Variants in ZC2HC1B observed in about 807,000 individuals in gnomAD.
ZC2HC1B encodes the protein zinc finger C2HC domain-containing protein 1B.
A neutral mutation model predicts 31.0 loss-of-function variants in ZC2HC1B; 36 were observed. That is an observed-to-expected ratio of 1.16 (90% confidence interval 0.89 to 1.54). The LOEUF is 1.54. Among genes scored for constraint, ZC2HC1B ranks in the 40% most tolerant of loss-of-function variants. ZC2HC1B has a pLI of 0.00. For synonymous variants in ZC2HC1B, 73 were observed against 88.0 expected, an observed-to-expected ratio of 0.83 and a Z score of 0.95; for missense variants, 260 against 268.6, an observed-to-expected ratio of 0.97 and a Z score of 0.22.
intron 6 of ZC2HC1B, among the ~76,000 whole-genome samples, chr6:143,906,216 ATCAG>A (rs1777793386): frequency 6.6e-6 from 1 of 152,126 alleles, no homozygotes; most frequent in African/African-American, 2.4e-5. Flanking sequence ...CTTACTAGTT[ATCAG>A]TCTATTCAAA....
intron 5 of ZC2HC1B, among the ~76,000 whole-genome samples, chr6:143,902,756 C>T (rs1312858657): frequency 6.6e-6 from 1 of 152,018 alleles, no homozygotes; most frequent in African/African-American, 2.4e-5. Flanking sequence ...CTTATGTCTC[C>T]ATACAACTAA....
intron 1 of ZC2HC1B, among the ~76,000 whole-genome samples, chr6:143,876,913 G>A (rs906289956): frequency 3.3e-5 from 5 of 150,316 alleles, no homozygotes; most frequent in Non-Finnish European, 5.9e-5. Flanking sequence ...GGGTGGGTCT[G>A]CCTTTCCCAG....
At position 143,884,337 on chromosome 6, in the gene ZC2HC1B, G is replaced by C; in HGVS notation, c.62G>C (p.Cys21Ser). 5.9e-6 allele frequency: 9 copies of C among 1,534,758 alleles called. No individual in the cohort carries two copies. The highest frequency in any genetic ancestry group is 7.9e-6 in the Non-Finnish European group (9 of 1,134,440). ...CAGGAATTGTTTCCCTGTGAAGTCT[G>C]TGGAAGACGTTTTGCAGCAGATGTT... Reference protein sequence around the residue: ...GNQELFPCEVCGRRFAADVLE... With the variant: ...GNQELFPCEVSGRRFAADVLE... Residue 21 changes from cysteine (C) to serine (S), a missense_variant, in exon 2 of 8, where the codon TGT (cysteine) becomes TCT (serine). Transcript: ENST00000237275. The surrounding 1 kb of genome is among the most constrained non-coding windows in gnomAD (Gnocchi z 5.1).
At chr6:143,912,303 T>G (rs568728720) in intron 6 of ZC2HC1B, among the ~76,000 whole-genome samples, 14 of 152,230 alleles carry the variant, frequency 9.2e-5, no homozygotes, top group Admixed American at 5.9e-4. Context: ...TCTCAGCCCT[T>G]GCTGGAGAGG....
chr6:143,933,154 C>T lies in ZC2HC1B; in HGVS notation c.599-4495C>T, dbSNP rs1256498835. Among the ~76,000 whole-genome samples, 1 of 152,194 alleles carries T rather than the reference C, an allele frequency of 6.6e-6. No individual in the cohort carries two copies. Among genetic ancestry groups the T allele is most frequent in the East Asian group, 1.9e-4 (1 of 5,192 alleles). ...GCAGCGAAGTTGTCATGTGGACAGA[C>T]TCGGGACCACTGGTTAGCCAGGATG... On this transcript the variant is annotated intron_variant, in intron 6 of 7. Coordinates refer to ENST00000237275, the MANE Select transcript of ZC2HC1B (RefSeq NM_001013623.3). This position sits in a 1 kb window ranked among gnomAD's most constrained non-coding sequence, Gnocchi z 6.4.
At chr6:143,910,419 C>A (rs575030957) in intron 6 of ZC2HC1B, among the ~76,000 whole-genome samples, 2 of 152,284 alleles carry the variant, frequency 1.3e-5, no homozygotes, top group African/African-American at 4.8e-5. Context: ...TGCCATGTGG[C>A]AATGAGAAGA....
rs1053198264 is a variant in ZC2HC1B at position 143,915,678 on chromosome 6, G to A, written c.598+12526G>A. Among the ~76,000 whole-genome samples the A allele has an allele frequency of 6.6e-6, 1 of 152,184 alleles. No homozygotes were observed. Among genetic ancestry groups the A allele is most frequent in the South Asian group, 2.1e-4 (1 of 4,830 alleles). On this transcript the variant is annotated intron_variant, in intron 6 of 7. Coordinates refer to ENST00000237275, the MANE Select transcript of ZC2HC1B (RefSeq NM_001013623.3). This position sits in a 1 kb window ranked among gnomAD's most constrained non-coding sequence, Gnocchi z 5.2. ...GAGATGAGGAACTTGTTGGGAACTGGATCAAAGGTTCCTCTTGTTATGTTT... is the reference window on the plus strand; with the variant it reads ...GAGATGAGGAACTTGTTGGGAACTGAATCAAAGGTTCCTCTTGTTATGTTT...
intron 6 of ZC2HC1B, among the ~76,000 whole-genome samples, chr6:143,914,562 G>A (rs1007165665): frequency 2.6e-5 from 4 of 152,084 alleles, no homozygotes; most frequent in Admixed American, 6.5e-5. Flanking sequence ...AGAGTGTTCT[G>A]AATAAGTCTG....
chr6:143,931,083 C>T (rs768467271), intron 6 of ZC2HC1B, among the ~76,000 whole-genome samples: 5 of 151,996 alleles, frequency 3.3e-5, no homozygotes, highest in Non-Finnish European at 7.4e-5. Flanking sequence ...TTTAACTGTT[C>T]TTGTTTTAAA....
chr6:143,910,173 T>TC lies in ZC2HC1B; in HGVS notation c.598+7022dup, dbSNP rs200896255. On this transcript the variant is annotated intron_variant, in intron 6 of 7. Transcript: ENST00000237275. Reference sequence around the variant, plus strand: ...ATTTCATTATTTGCCCACAAGTCATTCAGGAGCAGGTTCCATGTAGTGTTC... The same window carrying TC: ...ATTTCATTATTTGCCCACAAGTCATTCCAGGAGCAGGTTCCATGTAGTGTTC... 5.4e-3 allele frequency among the ~76,000 whole-genome samples: 817 copies of TC among 152,310 alleles called. 6 individuals are homozygous for TC. The highest frequency in any genetic ancestry group is 7.2e-3 in the Non-Finnish European group (489 of 68,030).
intron 6 of ZC2HC1B, among the ~76,000 whole-genome samples, chr6:143,920,950 A>G (rs544332975): frequency 1.3e-5 from 2 of 151,208 alleles, no homozygotes; most frequent in South Asian, 2.1e-4. Context: ...CCATAATACC[A>G]TCTGAGCTCA....
intron 6 of ZC2HC1B, among the ~76,000 whole-genome samples, chr6:143,926,593 T>G (rs1037555230): frequency 2.0e-5 from 3 of 152,134 alleles, no homozygotes; most frequent in African/African-American, 7.2e-5. Context: ...CTGTTGCTAT[T>G]GGATAAAATA....
Position 143,886,181 on chromosome 6 carries a change from T to C in ZC2HC1B, c.210+30T>C. 1 of 1,496,980 alleles carries C rather than the reference T, an allele frequency of 6.7e-7. No individual in the cohort carries two copies. Among genetic ancestry groups the C allele is most frequent in the South Asian group, 1.4e-5 (1 of 73,468 alleles). The allele number at this position is 1,496,980 out of a possible 1,614,324, so 92.7% of individuals were successfully genotyped here. ...TCCTGATATCTTCTTTAGTGTTTGT[T>C]ATTACATTCTGCGGTACTGTAAGGC... On this transcript the variant is annotated intron_variant, in intron 3 of 7. Transcript: ENST00000237275. The surrounding 1 kb of genome is among the most constrained non-coding windows in gnomAD (Gnocchi z 4.2).
In ZC2HC1B at chr6:143,905,110, T is replaced by C. The variant is rs1347165834; in HGVS notation, c.598+1958T>C. On this transcript the variant is annotated intron_variant, in intron 6 of 7. Transcript: ENST00000237275. This position sits in a 1 kb window ranked among gnomAD's most constrained non-coding sequence, Gnocchi z 4.2. ...TTTTTTATTTCTGCAAGAAACATCA[T>C]TGAGATTTTAACCGTGATTGCACTG... is the stretch of plus-strand genomic sequence containing the variant. Among the ~76,000 whole-genome samples, 2 of 152,224 alleles carry C rather than the reference T, an allele frequency of 1.3e-5. No homozygotes were observed. Among genetic ancestry groups the C allele is most frequent in the Non-Finnish European group, 2.9e-5 (2 of 68,022 alleles).
At chr6:143,866,111 C>T (rs1403897328) in intron 1 of ZC2HC1B, among the ~76,000 whole-genome samples, 6 of 152,324 alleles carry the variant, frequency 3.9e-5, no homozygotes, top group Admixed American at 2.0e-4. Context: ...CGCCAACACC[C>T]GGCCCACCTA....
Position 143,889,216 on chromosome 6 carries a change from T to C in ZC2HC1B, c.349+2395T>C, listed in dbSNP as rs574903059. 1.6e-3 allele frequency among the ~76,000 whole-genome samples: 240 copies of C among 152,058 alleles called. 1 individual carries two copies. The highest frequency in any genetic ancestry group is 5.4e-3 in the African/African-American group (224 of 41,542). ...ACTCTAGAGTAACCACTAAAAAATA[T>C]TGCTATTTAGCTAATAAGACAATAC... On this transcript the variant is annotated intron_variant, in intron 4 of 7. Coordinates refer to ENST00000237275, the MANE Select transcript of ZC2HC1B (RefSeq NM_001013623.3).
intron 6 of ZC2HC1B, among the ~76,000 whole-genome samples, chr6:143,931,009 A>G (rs144548883): frequency 6.6e-6 from 1 of 152,252 alleles, no homozygotes; most frequent in Non-Finnish European, 1.5e-5. Flanking sequence ...CTCTTTTCTT[A>G]GGATTGTGGT....
intron 1 of ZC2HC1B, among the ~76,000 whole-genome samples, chr6:143,866,211 C>T (rs1018243876): frequency 1.3e-5 from 2 of 152,340 alleles, no homozygotes; most frequent in South Asian, 4.1e-4. Context: ...GGATTATGCC[C>T]TGATAAGCCC....
rs1039807772 is a variant in ZC2HC1B, at chr6:143,923,556, T to A, written c.599-14093T>A. Among the ~76,000 whole-genome samples the A allele has an allele frequency of 1.3e-5, 2 of 152,164 alleles. No homozygotes were observed. Among genetic ancestry groups the A allele is most frequent in the African/African-American group, 4.8e-5 (2 of 41,462 alleles). ...CAATGTCTGAGAGCATTTTCCCTATTTTCTTCTAGTAGTTTCATAGTTTTG... is the reference window on the plus strand; with the variant it reads ...CAATGTCTGAGAGCATTTTCCCTATATTCTTCTAGTAGTTTCATAGTTTTG... On this transcript the variant is annotated intron_variant, in intron 6 of 7. Transcript: ENST00000237275. This position sits in a 1 kb window ranked among gnomAD's most constrained non-coding sequence, Gnocchi z 4.8.
Sources: gnomAD v4.1 joint callset for allele counts (sites outside exome capture counted in the v4.1 genomes callset) on GRCh38, gnomAD v4.1.1 for gene constraint, Gnocchi (gnomAD v3.1) non-coding constraint, MANE v1.5 for transcripts, NCBI Gene and HGNC (gene_info 2026-07-23, HGNC 2026-07-21) for gene names.